The following BEND7 variants were observed in gnomAD, a reference collection of about 807,000 sequenced individuals.
The protein encoded by BEND7 is BEN domain-containing protein 7.
A neutral mutation model predicts 50.9 loss-of-function variants in BEND7; 28 were observed. That is an observed-to-expected ratio of 0.55 (90% CI 0.41 to 0.75). The LOEUF is 0.75. Among genes scored for constraint, BEND7 ranks in the 30% least tolerant of loss-of-function variants. The probability of loss-of-function intolerance (pLI) is 0.00; values close to 1 mark genes in which losing one functional copy is unlikely to be tolerated. For synonymous variants in BEND7, 170 were observed against 183.9 expected, an observed-to-expected ratio of 0.92 and a Z score of 0.61; for missense variants, 477 against 491.3, an observed-to-expected ratio of 0.97 and a Z score of 0.28.
chr10:13,513,545 C>T (rs59425551), intron 2 of BEND7, among the ~76,000 whole-genome samples: 2,759 of 152,260 alleles, frequency 0.018, 77 homozygotes, highest in African/African-American at 0.062. Context: ...TCCCCTCCCT[C>T]CCACAGCTGA....
chr10:13,442,585 A>G (rs1440638703), intron 8 of BEND7: 1 of 152,208 alleles, frequency 6.6e-6, no homozygotes, highest in Non-Finnish European at 1.5e-5. Flanking sequence ...CTAGGAACCA[A>G]ATAAATGACA....
intron 8 of BEND7, chr10:13,445,744 C>T (rs912827811): frequency 6.6e-6 from 1 of 152,258 alleles, no homozygotes; most frequent in African/African-American, 2.4e-5. Flanking sequence ...AAAGGCATTC[C>T]GTACTCACCA....
intron 1 of BEND7, among the ~76,000 whole-genome samples, chr10:13,528,002 G>C (rs1019254904): frequency 1.2e-4 from 18 of 152,110 alleles, no homozygotes; most frequent in African/African-American, 4.3e-4. Flanking sequence ...TTCCGCCTTG[G>C]GCTTGGACAC....
chr10:13,481,215 T>C (rs546168042), intron 5 of BEND7, 91 bp from the exon 6 acceptor site: 6 of 1,167,702 alleles, frequency 5.1e-6, no homozygotes, highest in Non-Finnish European at 7.3e-6. Context: ...CACTAGCTAC[T>C]GAAATGTACA....
At chr10:13,496,074 G>C (rs568988718) in intron 4 of BEND7, among the ~76,000 whole-genome samples, 1 of 152,298 alleles carries the variant, frequency 6.6e-6, no homozygotes, top group African/African-American at 2.4e-5. Flanking sequence ...CCACACTAAT[G>C]AAACAGCTTA....
intron 2 of BEND7, among the ~76,000 whole-genome samples, chr10:13,508,898 G>A (rs538642598): frequency 3.3e-5 from 5 of 152,326 alleles, no homozygotes; most frequent in East Asian, 1.9e-4. Flanking sequence ...GCGGCACGGC[G>A]GTCAACCCCA....
At chr10:13,443,541 A>C (rs546362464) in intron 8 of BEND7, 5 of 152,570 alleles carry the variant, frequency 3.3e-5, no homozygotes, top group African/African-American at 1.2e-4. Flanking sequence ...TTTCACACTT[A>C]AGTCGCTAAG....
chr10:13,529,252 C>T (rs867333369), upstream of BEND7, among the ~76,000 whole-genome samples: 22 of 149,806 alleles, frequency 1.5e-4, no homozygotes, highest in Admixed American at 6.6e-5. Context: ...GCCGCCCGGG[C>T]CTCCGCTCGC....
chr10:13,528,598 CAGCGGCAGCGGCG>C lies in BEND7; in HGVS notation c.-78_-66del. ...GCAGCGGCGGCAGCGGCAGCGGCGGCAGCGGCAGCGGCGGCGCGGGCTCGTGTCACCGCGGCGG... is the reference window on the plus strand; with the variant it reads ...GCAGCGGCGGCAGCGGCAGCGGCGGCGCGCGGGCTCGTGTCACCGCGGCGG... On this transcript the variant is annotated 5_prime_UTR_variant, in exon 1 of 9. Coordinates refer to ENST00000466271, the MANE Select transcript of BEND7 (RefSeq NM_001369863.1). The C allele has an allele frequency of 4.8e-6, 4 of 828,104 alleles. No homozygotes were observed. The South Asian group carries it at 2.4e-4, about 50-fold the overall frequency. The allele number at this position is 828,104 out of a possible 1,614,324, so 51.3% of individuals were successfully genotyped here.
chr10:13,458,591 T>C (rs988416898), intron 6 of BEND7, among the ~76,000 whole-genome samples: 5 of 152,366 alleles, frequency 3.3e-5, no homozygotes, highest in African/African-American at 1.2e-4. Flanking sequence ...AGTTTTAACT[T>C]GTGATCAAAT....
chr10:13,439,251 T>C, downstream of BEND7: 1 of 1,614,162 alleles, frequency 6.2e-7, no homozygotes, highest in Non-Finnish European at 8.5e-7. Context: ...CCCTCTCTGA[T>C]GATGAAGTGT....
intron 2 of BEND7, among the ~76,000 whole-genome samples, chr10:13,513,123 TTTC>T (rs746404287): frequency 3.7e-4 from 56 of 152,368 alleles, no homozygotes; most frequent in Non-Finnish European, 7.5e-4. Context: ...ACTCTATTTC[TTTC>T]TTCTTCTTCT....
chr10:13,527,218 CG>C (rs1181735505), intron 1 of BEND7, among the ~76,000 whole-genome samples: 9 of 139,768 alleles, frequency 6.4e-5, no homozygotes, highest in Admixed American at 3.6e-4. Flanking sequence ...GTAATCAACA[CG>C]GATGTGGAAA....
In BEND7 at chr10:13,481,137, C is replaced by T. The variant is rs1355517152; in HGVS notation, c.838-13G>A. 5.0e-6 allele frequency: 8 copies of T among 1,611,528 alleles called. No individual in the cohort carries two copies. Among genetic ancestry groups the T allele is most frequent in the African/African-American group, 1.3e-5 (1 of 74,770 alleles). On this transcript the variant is annotated splice_polypyrimidine_tract_variant and intron_variant, in intron 5 of 8. Transcript: ENST00000466271. The stretch of plus-strand genomic sequence containing the variant: ...GTTGTACTTCTGGCTACCAAAAGAA[C>T]ACAGATATTTCATTAAAAGCAAGAT...
intron 7 of BEND7, among the ~76,000 whole-genome samples, chr10:13,450,193 T>C (rs1837369346): frequency 6.6e-6 from 1 of 152,234 alleles, no homozygotes; most frequent in Non-Finnish European, 1.5e-5. Flanking sequence ...GGCACTTCTT[T>C]TTTTCTAGAG....
intron 2 of BEND7, among the ~76,000 whole-genome samples, chr10:13,514,497 T>C (rs879589883): frequency 1.4e-4 from 22 of 152,174 alleles, no homozygotes; most frequent in Non-Finnish European, 2.9e-4. Context: ...TCCAGTTCAT[T>C]GCAGATGACG....
At chr10:13,465,004 G>A (rs565571429) in intron 6 of BEND7, among the ~76,000 whole-genome samples, 1 of 152,312 alleles carries the variant, frequency 6.6e-6, no homozygotes, top group South Asian at 2.1e-4. Flanking sequence ...ACCTGAGTTC[G>A]TTAACCAGTG....
intron 7 of BEND7, among the ~76,000 whole-genome samples, chr10:13,448,042 C>A (rs1319460188): frequency 3.3e-5 from 5 of 152,150 alleles, no homozygotes; most frequent in Non-Finnish European, 7.3e-5. Flanking sequence ...GATCCTAGAA[C>A]TGCCAATCTA....
chr10:13,518,331 C>T (rs1397551250), intron 2 of BEND7, among the ~76,000 whole-genome samples: 1 of 152,252 alleles, frequency 6.6e-6, no homozygotes, highest in South Asian at 2.1e-4. Flanking sequence ...CCTCACAGGG[C>T]CCCCTTGGGC....
Sources: gnomAD v4.1 joint callset for allele counts (sites outside exome capture counted in the v4.1 genomes callset) on GRCh38, gnomAD v4.1.1 for gene constraint, MANE v1.5 for transcripts, NCBI Gene and HGNC (gene_info 2026-07-23, HGNC 2026-07-21) for gene names.